DNER: variants seen among roughly 807,000 people sequenced by gnomAD.
The protein encoded by DNER is delta/notch like EGF repeat containing, also known as delta and Notch-like epidermal growth factor-related receptor.
In DNER, 33 loss-of-function variants were observed where a neutral mutation model predicts 78.2. That is an observed-to-expected ratio of 0.42 (90% confidence interval 0.32 to 0.56). The LOEUF (loss-of-function observed/expected upper bound fraction) is 0.56. DNER is among the 20% of genes least tolerant of loss of function. The pLI, the probability that DNER is intolerant of heterozygous loss-of-function variation, is 0.11. For synonymous variants in DNER, 417 were observed against 384.8 expected (o/e 1.08, Z -0.98); for missense variants, 918 against 975.3 (o/e 0.94, Z 0.78).
chr2:229,400,574 C>T (rs994788299), intron 10 of DNER, among the ~76,000 whole-genome samples: 4 of 151,994 alleles, frequency 2.6e-5, no homozygotes, highest in African/African-American at 9.7e-5. Flanking sequence ...AAATTAACCA[C>T]ATTAATGGGG....
chr2:229,660,246 G>C (rs1424321477), intron 1 of DNER, among the ~76,000 whole-genome samples: 1 of 152,084 alleles, frequency 6.6e-6, no homozygotes, highest in Non-Finnish European at 1.5e-5. Context: ...GCACCCATTA[G>C]TTATTTTTCC....
intron 11 of DNER, among the ~76,000 whole-genome samples, chr2:229,387,513 A>AAGAAAGAG (rs1559337882): frequency 2.7e-4 from 10 of 36,870 alleles, no homozygotes; most frequent in Non-Finnish European, 3.9e-4. Context: ...GAAAGAGAGA[A>AAGAAAGAG]AGAAAGAAAG....
At chr2:229,569,471 A>G (rs1233358516) in intron 4 of DNER, among the ~76,000 whole-genome samples, 1 of 152,156 alleles carries the variant, frequency 6.6e-6, no homozygotes, top group Non-Finnish European at 1.5e-5. Flanking sequence ...GCAGTGAGCC[A>G]AGATCGAGCC....
At chr2:229,383,030 C>T (rs1692779845) in intron 11 of DNER, among the ~76,000 whole-genome samples, 1 of 152,118 alleles carries the variant, frequency 6.6e-6, no homozygotes, top group Non-Finnish European at 1.5e-5. Context: ...GGGTTACCCA[C>T]AAAAGGAAGC....
intron 7 of DNER, among the ~76,000 whole-genome samples, chr2:229,466,283 G>A (rs139828898): frequency 2.0e-5 from 3 of 152,112 alleles, no homozygotes; most frequent in South Asian, 4.2e-4. Flanking sequence ...TCTGCAGTAC[G>A]GCTCTGCTGA....
chr2:229,440,563 C>A (rs1239647443), intron 8 of DNER, among the ~76,000 whole-genome samples: 1 of 152,324 alleles, frequency 6.6e-6, no homozygotes, highest in East Asian at 1.9e-4. Flanking sequence ...CTCACCCTCT[C>A]CTATCTTGAT....
intron 6 of DNER, among the ~76,000 whole-genome samples, chr2:229,511,758 C>G (rs1450244421): frequency 2.0e-5 from 3 of 152,174 alleles, no homozygotes; most frequent in African/African-American, 7.2e-5. Flanking sequence ...CATGTCCAAG[C>G]CTCTATTGGG....
At chr2:229,526,926 G>A (rs1245086631) in intron 5 of DNER, among the ~76,000 whole-genome samples, 1 of 152,158 alleles carries the variant, frequency 6.6e-6, no homozygotes, top group African/African-American at 2.4e-5. Flanking sequence ...CCTCATTCAC[G>A]TGCACACACT....
chr2:229,581,325 G>GA (rs1175239025), intron 4 of DNER, among the ~76,000 whole-genome samples: 3 of 152,126 alleles, frequency 2.0e-5, no homozygotes, highest in African/African-American at 7.2e-5. Flanking sequence ...TTGACTCTTT[G>GA]AAAATACGAA....
chr2:229,483,998 T>C (rs1050000819), intron 6 of DNER, among the ~76,000 whole-genome samples: 11 of 152,202 alleles, frequency 7.2e-5, no homozygotes, highest in Admixed American at 2.6e-4. Flanking sequence ...TGATTTTCTT[T>C]ATTGGTTTCC....
At chr2:229,460,936 G>A (rs140118611) in intron 7 of DNER, among the ~76,000 whole-genome samples, 3 of 152,188 alleles carry the variant, frequency 2.0e-5, no homozygotes, top group Non-Finnish European at 4.4e-5. Context: ...ATGTGAGTCC[G>A]ATTCCCCCTT....
chr2:229,474,537 G>A (rs757968449), intron 7 of DNER, among the ~76,000 whole-genome samples: 5 of 152,040 alleles, frequency 3.3e-5, no homozygotes, highest in African/African-American at 9.7e-5. Flanking sequence ...GTGTGCCACC[G>A]GATAAAGGAG....
intron 1 of DNER, among the ~76,000 whole-genome samples, chr2:229,592,883 C>A (rs1697634269): frequency 6.6e-6 from 1 of 152,058 alleles, no homozygotes; most frequent in South Asian, 2.1e-4. Context: ...GAAGTGGGAC[C>A]CTCACTCTCT....
chr2:229,597,213 G>A (rs550637520), intron 1 of DNER, among the ~76,000 whole-genome samples: 30 of 152,272 alleles, frequency 2.0e-4, no homozygotes, highest in Admixed American at 7.2e-4. Context: ...CTTCCTTGGC[G>A]TGTATATTAG....
chr2:229,651,242 C>G (rs2154216273), intron 1 of DNER, among the ~76,000 whole-genome samples: 1 of 152,304 alleles, frequency 6.6e-6, no homozygotes, highest in Non-Finnish European at 1.5e-5. Context: ...CTGCCGCTTC[C>G]AATTAATTCC....
At chr2:229,425,779 C>T (rs908275641) in intron 8 of DNER, among the ~76,000 whole-genome samples, 8 of 152,222 alleles carry the variant, frequency 5.3e-5, no homozygotes, top group Non-Finnish European at 1.2e-4. Flanking sequence ...AGCGACTCAT[C>T]TGTCAGTATC....
intron 1 of DNER, among the ~76,000 whole-genome samples, chr2:229,611,723 T>C (rs1055260429): frequency 3.3e-5 from 5 of 152,236 alleles, no homozygotes; most frequent in African/African-American, 4.8e-5. Context: ...TGGGGTTAGA[T>C]GCAGGTTTAG....
chr2:229,650,477 G>A (rs577768014), intron 1 of DNER, among the ~76,000 whole-genome samples: 1 of 152,302 alleles, frequency 6.6e-6, no homozygotes, highest in East Asian at 1.9e-4. Context: ...CTCCTGAAAA[G>A]CAGGTTTCAT....
rs1694921236 is a variant in DNER, at chr2:229,471,331, C to G, written c.1261+5809G>C. On this transcript the variant is annotated intron_variant, in intron 7 of 12. Transcript: ENST00000341772. ...GAGTTCGACAAAAGGATTTATATAG[C>G]TAGGTTACCCAAGGCTATAAAATGA... 3.4e-5 allele frequency among the ~76,000 whole-genome samples: 5 copies of G among 145,956 alleles called. No homozygotes were observed. The South Asian group carries it at 1.1e-3, about 33-fold the overall frequency.
Sources: gnomAD v4.1 joint callset for allele counts (sites outside exome capture counted in the v4.1 genomes callset) on GRCh38, gnomAD v4.1.1 for gene constraint, MANE v1.5 for transcripts, NCBI Gene and HGNC (gene_info 2026-07-23, HGNC 2026-07-21) for gene names.